The following SARNP variants were observed in gnomAD, a reference collection of about 807,000 sequenced individuals.
The protein encoded by SARNP is SAP domain containing ribonucleoprotein.
A neutral mutation model predicts 38.1 loss-of-function variants in SARNP; 5 were observed. The observed-to-expected ratio is 0.13, with a 90% CI of 0.07 to 0.28. SARNP has a LOEUF of 0.28. SARNP is among the 10% of genes least tolerant of loss of function. The probability of loss-of-function intolerance (pLI) is 1.00; values close to 1 mark genes in which losing one functional copy is unlikely to be tolerated. For synonymous variants in SARNP, 84 were observed against 80.6 expected, an observed-to-expected ratio of 1.04 and a Z score of -0.23; for missense variants, 180 against 243.9, an observed-to-expected ratio of 0.74 and a Z score of 1.75.
At chr12:55,810,349 G>C (rs1387806179) in intron 1 of SARNP, among the ~76,000 whole-genome samples, 2 of 151,816 alleles carry the variant, frequency 1.3e-5, no homozygotes, top group African/African-American at 2.4e-5. Context: ...CTGGGCTCAA[G>C]TGATCCTCCT....
At chr12:55,769,276 A>G (rs367909848) in intron 9 of SARNP, among the ~76,000 whole-genome samples, 1 of 152,190 alleles carries the variant, frequency 6.6e-6, no homozygotes, top group African/African-American at 2.4e-5. Flanking sequence ...AAAATTAATT[A>G]ATTCATTCAG....
chr12:55,808,837 ATT>A (rs777586246), intron 1 of SARNP, among the ~76,000 whole-genome samples: 5 of 152,146 alleles, frequency 3.3e-5, no homozygotes, highest in Non-Finnish European at 7.4e-5. Flanking sequence ...TTTTGCACGT[ATT>A]TCAGCACAAT....
At chr12:55,790,294 A>G (rs1357073513) in intron 8 of SARNP, among the ~76,000 whole-genome samples, 1 of 152,208 alleles carries the variant, frequency 6.6e-6, no homozygotes, top group Admixed American at 6.5e-5. Flanking sequence ...CAGTACCATA[A>G]AACAGTTACA....
chr12:55,813,458 TG>T (rs1248233881), intron 1 of SARNP, among the ~76,000 whole-genome samples: 3 of 151,504 alleles, frequency 2.0e-5, no homozygotes, highest in Non-Finnish European at 4.4e-5. Context: ...TTGCAGCATA[TG>T]TGAAGGTTCT....
chr12:55,803,809 G>A, intron 1 of SARNP, 81 bp from the exon 2 acceptor site: 2 of 884,392 alleles, frequency 2.3e-6, no homozygotes, highest in African/African-American at 1.7e-5. Context: ...ACAAGGAAAA[G>A]AAAAAAAGAA....
chr12:55,760,198 A>C (rs1565669366), intron 10 of SARNP, among the ~76,000 whole-genome samples: 1 of 152,192 alleles, frequency 6.6e-6, no homozygotes, highest in East Asian at 1.9e-4. Flanking sequence ...ATATTTGGAC[A>C]CTTAAGAAGT....
downstream of SARNP, chr12:55,755,434 T>C (rs1224745191): frequency 2.6e-5 from 4 of 152,236 alleles, no homozygotes; most frequent in African/African-American, 7.2e-5. Flanking sequence ...ACAGCTTTTA[T>C]AGACTCCCTC....
chr12:55,760,338 TTAAATAAA>T, intron 10 of SARNP: 1 of 541,390 alleles, frequency 1.8e-6, no homozygotes, highest in Non-Finnish European at 3.2e-6. Context: ...CCATCTCTAC[TTAAATAAA>T]TAAATAATTA....
At chr12:55,803,494 A>AAG in intron 2 of SARNP, 135 bp downstream of exon 2, 1 of 516,968 alleles carries the variant, frequency 1.9e-6, no homozygotes, top group Non-Finnish European at 3.4e-6. Context: ...AAAAAAAAAA[A>AAG]AGAGAGAGTT....
intron 1 of SARNP, among the ~76,000 whole-genome samples, chr12:55,816,703 AACAG>A (rs1289082234): frequency 6.6e-6 from 1 of 152,258 alleles, no homozygotes; most frequent in Non-Finnish European, 1.5e-5. Flanking sequence ...TGAAACCACA[AACAG>A]ACAATTACTC....
At chr12:55,791,111 T>C (rs1445948310) in intron 7 of SARNP, among the ~76,000 whole-genome samples, 1 of 152,162 alleles carries the variant, frequency 6.6e-6, no homozygotes, top group Admixed American at 6.6e-5. Flanking sequence ...CTATACGCAC[T>C]ATACGAATTC....
At chr12:55,816,988 G>A (rs922814670) in intron 1 of SARNP, among the ~76,000 whole-genome samples, 5 of 152,162 alleles carry the variant, frequency 3.3e-5, no homozygotes, top group African/African-American at 9.7e-5. Flanking sequence ...GGTGGTTGGA[G>A]ATGGTGTGTG....
chr12:55,812,352 T>C (rs1256472990), intron 1 of SARNP, among the ~76,000 whole-genome samples: 1 of 152,226 alleles, frequency 6.6e-6, no homozygotes, highest in African/African-American at 2.4e-5. Flanking sequence ...CTATTTGACA[T>C]ACCATAAATT....
chr12:55,786,343 C>A (rs1879493258), intron 9 of SARNP, among the ~76,000 whole-genome samples: 1 of 152,084 alleles, frequency 6.6e-6, no homozygotes, highest in South Asian at 2.1e-4. Context: ...ACATATCTAG[C>A]CCTCATATAA....
chr12:55,761,878 T>C lies in SARNP; in HGVS notation c.502-1238A>G, dbSNP rs182515465. 9 of 152,286 alleles carry C rather than the reference T, an allele frequency of 5.9e-5. No individual in the cohort carries two copies. The East Asian group carries it at 1.5e-3, about 26-fold the overall frequency. 9.4% of individuals were successfully genotyped at this position (152,286 alleles called of 1,614,324 possible). On this transcript the variant is annotated intron_variant, in intron 9 of 10. Transcript: ENST00000336133. ...TTGGCACATATATAAAAAGATCTCATTCTCTCATAATCTCAAGAGACCCTC... is the reference window on the plus strand; with the variant it reads ...TTGGCACATATATAAAAAGATCTCACTCTCTCATAATCTCAAGAGACCCTC...
At chr12:55,781,716 A>G (rs1376113093) in intron 9 of SARNP, among the ~76,000 whole-genome samples, 5 of 152,062 alleles carry the variant, frequency 3.3e-5, no homozygotes, top group Non-Finnish European at 2.9e-5. Flanking sequence ...CAACCTTTTT[A>G]TATTCTTTTT....
chr12:55,798,902 C>T (rs1879896214), intron 4 of SARNP, among the ~76,000 whole-genome samples: 1 of 152,088 alleles, frequency 6.6e-6, no homozygotes, highest in Non-Finnish European at 1.5e-5. Context: ...ACAGGGTCTA[C>T]TGAGGATAAA....
chr12:55,812,927 TC>T (rs1325341276), intron 1 of SARNP, among the ~76,000 whole-genome samples: 1 of 152,032 alleles, frequency 6.6e-6, no homozygotes, highest in Non-Finnish European at 1.5e-5. Flanking sequence ...AACAAACCAA[TC>T]AATGATCAGA....
rs547721897 is a variant in SARNP at position 55,792,076 on chromosome 12, G to GT, written c.407-1485dup. Among the ~76,000 whole-genome samples, 175 of 152,146 alleles carry GT rather than the reference G, an allele frequency of 1.2e-3. 7 individuals are homozygous for GT. Among genetic ancestry groups the GT allele is most frequent in the Admixed American group, 7.5e-3 (114 of 15,268 alleles). On this transcript the variant is annotated intron_variant, in intron 7 of 10. Coordinates refer to ENST00000336133, the MANE Select transcript of SARNP (RefSeq NM_033082.4). ...GCTCAAGTCCAGCCTGGGCAATATAGTGAAACCCTGTCTCTTAAAAAAAAT... is the reference window on the plus strand; with the variant it reads ...GCTCAAGTCCAGCCTGGGCAATATAGTTGAAACCCTGTCTCTTAAAAAAAAT...
Sources: allele counts gnomAD v4.1 joint callset (sites outside exome capture counted in the v4.1 genomes callset), GRCh38; gene constraint gnomAD v4.1.1; transcripts MANE v1.5; gene names NCBI Gene and HGNC (gene_info 2026-07-23, HGNC 2026-07-21).